LRRTM4: variants seen among roughly 807,000 people sequenced by gnomAD.
LRRTM4 encodes the protein leucine rich repeat transmembrane neuronal 4.
Under a neutral mutation model 47.6 loss-of-function variants are expected in LRRTM4, and 25 were observed. The observed-to-expected ratio is 0.53, with a 90% confidence interval of 0.38 to 0.73. The LOEUF (loss-of-function observed/expected upper bound fraction) is 0.73, where lower values mean the gene tolerates loss of function less well. Ranked by LOEUF, LRRTM4 falls within the 30% of genes least tolerant of loss-of-function variation. The probability of loss-of-function intolerance (pLI) is 0.00; values close to 1 mark genes in which losing one functional copy is unlikely to be tolerated. For missense variants in LRRTM4, 638 were observed against 713.4 expected (o/e 0.89, Z 1.20); for synonymous variants, 311 against 269.5 (o/e 1.15, Z -1.51).
At chr2:77,406,322 C>CTATTAT (rs1370613897) in intron 3 of LRRTM4, among the ~76,000 whole-genome samples, 1 of 151,760 alleles carries the variant, frequency 6.6e-6, no homozygotes. Flanking sequence ...CATGCATTAT[C>CTATTAT]TATTATTATT....
chr2:76,821,561 C>G (rs1003090220), intron 3 of LRRTM4, among the ~76,000 whole-genome samples: 28 of 151,574 alleles, frequency 1.8e-4, no homozygotes, highest in Non-Finnish European at 3.1e-4. Flanking sequence ...CCCCAGACAC[C>G]AAATTCATTT....
chr2:77,132,886 G>T (rs1413635009), intron 3 of LRRTM4, among the ~76,000 whole-genome samples: 1 of 152,170 alleles, frequency 6.6e-6, no homozygotes, highest in African/African-American at 2.4e-5. Flanking sequence ...AGAAGAAGGA[G>T]TAGGTGTAGA....
chr2:77,251,612 C>T (rs887019306), intron 3 of LRRTM4, among the ~76,000 whole-genome samples: 4 of 152,062 alleles, frequency 2.6e-5, no homozygotes, highest in Non-Finnish European at 4.4e-5. Flanking sequence ...CTTTTGATAT[C>T]AAGTATTATA....
chr2:77,068,097 G>A (rs562073104), intron 3 of LRRTM4, among the ~76,000 whole-genome samples: 1 of 152,072 alleles, frequency 6.6e-6, no homozygotes, highest in South Asian at 2.1e-4. Flanking sequence ...AAGAGATATA[G>A]AGACTATTTC....
chr2:77,344,546 C>T (rs769007338), intron 3 of LRRTM4, among the ~76,000 whole-genome samples: 5 of 151,598 alleles, frequency 3.3e-5, no homozygotes, highest in Admixed American at 6.6e-5. Context: ...TCAAGCCTTA[C>T]GAACCTTTAG....
At chr2:77,391,700 T>C (rs988776763) in intron 3 of LRRTM4, among the ~76,000 whole-genome samples, 6 of 152,096 alleles carry the variant, frequency 3.9e-5, no homozygotes, top group African/African-American at 1.2e-4. Context: ...ACTGACTGAA[T>C]GGACCACCCC....
intron 3 of LRRTM4, among the ~76,000 whole-genome samples, chr2:77,095,527 A>G (rs1177313497): frequency 7.0e-6 from 1 of 143,142 alleles, no homozygotes; most frequent in Non-Finnish European, 1.5e-5. Context: ...TTTTTTTTAG[A>G]CAGAGTCTCG....
chr2:77,297,527 T>G lies in LRRTM4; in HGVS notation c.1551+220791A>C, dbSNP rs528031686. 2.6e-5 allele frequency among the ~76,000 whole-genome samples: 4 copies of G among 152,314 alleles called. No individual in the cohort carries two copies. The East Asian group carries it at 7.7e-4, about 29-fold the overall frequency. On this transcript the variant is annotated intron_variant, in intron 3 of 3. Coordinates refer to ENST00000409884, the MANE Select transcript of LRRTM4 (RefSeq NM_001134745.3). ...GTTTGATCTTCAGGCATCTTCCTCA[T>G]GCGTGAGCTAGCCAATGTTTTCTTC...
intron 3 of LRRTM4, among the ~76,000 whole-genome samples, chr2:76,802,361 A>T (rs1675744525): frequency 6.6e-6 from 1 of 152,142 alleles, no homozygotes; most frequent in African/African-American, 2.4e-5. Flanking sequence ...AATCAAGAAA[A>T]CTATTCCATT....
In LRRTM4 at chr2:76,962,708, T is replaced by C. The variant is rs370598668; in HGVS notation, c.1552-213792A>G. Among the ~76,000 whole-genome samples, 4 of 150,660 alleles carry C rather than the reference T, an allele frequency of 2.7e-5. No homozygotes were observed. The South Asian group carries it at 6.2e-4, about 23-fold the overall frequency. On this transcript the variant is annotated intron_variant, in intron 3 of 3. Coordinates refer to ENST00000409884, the MANE Select transcript of LRRTM4 (RefSeq NM_001134745.3). ...AATTTTAATATAATATTAAATAAAA[T>C]ACTGTTTTAAAAATAGACAGAACAT... is the stretch of plus-strand genomic sequence containing the variant.
At chr2:77,073,013 C>T (rs959450610) in intron 3 of LRRTM4, among the ~76,000 whole-genome samples, 1 of 152,214 alleles carries the variant, frequency 6.6e-6, no homozygotes, top group Admixed American at 6.5e-5. Context: ...TCAATAGCCT[C>T]ATTGACATCA....
At chr2:77,112,325 G>T (rs1466484366) in intron 3 of LRRTM4, among the ~76,000 whole-genome samples, 3 of 152,122 alleles carry the variant, frequency 2.0e-5, no homozygotes, top group Non-Finnish European at 2.9e-5. Flanking sequence ...GAATAACCAA[G>T]AAAGAATTTA....
chr2:76,807,128 A>G (rs1304565662), intron 3 of LRRTM4, among the ~76,000 whole-genome samples: 1 of 152,034 alleles, frequency 6.6e-6, no homozygotes, highest in Non-Finnish European at 1.5e-5. Flanking sequence ...ATATGGAACT[A>G]AATACCCTAC....
chr2:77,204,016 G>A (rs777244496), intron 3 of LRRTM4, among the ~76,000 whole-genome samples: 4 of 152,156 alleles, frequency 2.6e-5, no homozygotes, highest in Non-Finnish European at 5.9e-5. Context: ...TATCTGAAAT[G>A]ATCTAGGATC....
intron 3 of LRRTM4, among the ~76,000 whole-genome samples, chr2:76,968,472 GTA>G (rs1676111928): frequency 6.8e-6 from 1 of 147,072 alleles, no homozygotes; most frequent in South Asian, 2.1e-4. Context: ...CTATATCTAT[GTA>G]TCTATCCATC....
intron 3 of LRRTM4, among the ~76,000 whole-genome samples, chr2:76,781,459 G>A (rs2104161186): frequency 6.6e-6 from 1 of 152,364 alleles, no homozygotes. Flanking sequence ...CTTGTGGTGG[G>A]CCCCTTTTTT....
At chr2:76,806,466 A>G (rs1373993702) in intron 3 of LRRTM4, among the ~76,000 whole-genome samples, 1 of 152,110 alleles carries the variant, frequency 6.6e-6, no homozygotes, top group East Asian at 1.9e-4. Flanking sequence ...CTGTAATCCC[A>G]GCTACTTGGA....
intron 3 of LRRTM4, among the ~76,000 whole-genome samples, chr2:77,112,368 G>C (rs1293623807): frequency 6.6e-6 from 1 of 152,182 alleles, no homozygotes; most frequent in Non-Finnish European, 1.5e-5. Flanking sequence ...TATAAGTGGA[G>C]TATAAGGTGA....
chr2:76,955,930 A>G (rs1675661081), intron 3 of LRRTM4, among the ~76,000 whole-genome samples: 1 of 151,838 alleles, frequency 6.6e-6, no homozygotes, highest in Non-Finnish European at 1.5e-5. Flanking sequence ...GGACAGCAAG[A>G]AAACATTGAA....
Sources: gnomAD v4.1 joint callset for allele counts (sites outside exome capture counted in the v4.1 genomes callset) on GRCh38, gnomAD v4.1.1 for gene constraint, MANE v1.5 for transcripts, NCBI Gene and HGNC (gene_info 2026-07-23, HGNC 2026-07-21) for gene names.